Variants in MET observed in about 807,000 individuals in gnomAD.
MET encodes the protein MET proto-oncogene, receptor tyrosine kinase.
MET carries 48 observed loss-of-function variants against 133.1 expected under a neutral mutation model. The ratio of observed to expected loss-of-function variants is 0.36; its 90% CI spans 0.29 to 0.46. MET has a LOEUF of 0.46. Among genes scored for constraint, MET ranks in the 20% least tolerant of loss-of-function variants. MET has a pLI of 1.00. For missense variants in MET, 1,442 were observed against 1,695.9 expected, an observed-to-expected ratio of 0.85 and a Z score of 2.63; for synonymous variants, 628 against 616.5, an observed-to-expected ratio of 1.02 and a Z score of -0.28.
At chr7:116,736,431 CATCTT>C (rs1793213464) in intron 3 of MET, among the ~76,000 whole-genome samples, 1 of 151,710 alleles carries the variant, frequency 6.6e-6, no homozygotes, top group African/African-American at 2.4e-5. Flanking sequence ...TGCATACAAA[CATCTT>C]ATCTTAAATT....
intron 3 of MET, among the ~76,000 whole-genome samples, chr7:116,732,215 G>A (rs1293724373): frequency 6.6e-6 from 1 of 152,126 alleles, no homozygotes; most frequent in Non-Finnish European, 1.5e-5. Context: ...CAGATCAAAG[G>A]AGAGCTATTG....
chr7:116,792,297 T>C (rs545140983), intron 19 of MET, among the ~76,000 whole-genome samples: 3 of 152,268 alleles, frequency 2.0e-5, no homozygotes, highest in African/African-American at 7.2e-5. Flanking sequence ...CAGATGAGCT[T>C]ATTGCTGGTG....
At chr7:116,752,455 T>A (rs945070903) in intron 5 of MET, among the ~76,000 whole-genome samples, 2 of 152,202 alleles carry the variant, frequency 1.3e-5, no homozygotes, top group Admixed American at 6.5e-5. Flanking sequence ...GGACGCTCAT[T>A]TCCTGCCCAC....
At position 116,699,050 on chromosome 7, in the gene MET, G is replaced by A. The variant is rs368863750; in HGVS notation, c.-14-21G>A. 49 of 1,613,300 alleles carry A rather than the reference G, an allele frequency of 3.0e-5. No individual in the cohort carries two copies. Among genetic ancestry groups the A allele is most frequent in the African/African-American group, 1.7e-4 (13 of 74,836 alleles). Reference sequence around the variant, plus strand: ...CATTTCTGACAACTGAACTGCTCTCGCCTTGAACCTGTTTTGGCAGATAAA... The same window carrying A: ...CATTTCTGACAACTGAACTGCTCTCACCTTGAACCTGTTTTGGCAGATAAA... On this transcript the variant is annotated intron_variant, in intron 1 of 20. Transcript: ENST00000397752.
At chr7:116,793,914 A>G (rs1237046425) in intron 19 of MET, among the ~76,000 whole-genome samples, 1 of 151,880 alleles carries the variant, frequency 6.6e-6, no homozygotes, top group Admixed American at 6.6e-5. Flanking sequence ...ATAAAAAAGG[A>G]AAGAAAGAAC....
At chr7:116,767,880 CT>C (rs1562928143) in intron 11 of MET, among the ~76,000 whole-genome samples, 1 of 147,472 alleles carries the variant, frequency 6.8e-6, no homozygotes. Context: ...AAAATTTTTC[CT>C]TTTTTGGGCC....
intron 3 of MET, among the ~76,000 whole-genome samples, chr7:116,735,878 G>C (rs930441899): frequency 1.3e-5 from 2 of 148,334 alleles, no homozygotes; most frequent in Non-Finnish European, 3.0e-5. Flanking sequence ...CAGTATTCAA[G>C]CAATTCTTGT....
At chr7:116,763,651 G>A (rs555010557) in intron 11 of MET, among the ~76,000 whole-genome samples, 18 of 152,244 alleles carry the variant, frequency 1.2e-4, no homozygotes, top group African/African-American at 3.4e-4. Flanking sequence ...TTGTATCTCC[G>A]TTCTTCCTTG....
At position 116,699,363 on chromosome 7, in the gene MET, A is replaced by G. The variant is rs780928472; in HGVS notation, c.279A>G (p.Pro93=). 2 of 1,614,064 alleles carry G rather than the reference A, an allele frequency of 1.2e-6. No homozygotes were observed. Among genetic ancestry groups the G allele is most frequent in the Middle Eastern group, 1.7e-4 (1 of 6,060 alleles). ...AGACTGGGCCTGTGCTGGAACACCCAGATTGTTTCCCATGTCAGGACTGCA... is the reference window on the plus strand; with the variant it reads ...AGACTGGGCCTGTGCTGGAACACCCGGATTGTTTCCCATGTCAGGACTGCA... ...EYKTGPVLEH[P]DCFPCQDCSS... is the part of the protein sequence containing the mutation. Residue 93 remains proline, a synonymous_variant, in exon 2 of 21, where the codon CCA becomes CCG. Transcript: ENST00000397752.
rs763344951 is a variant in MET, at chr7:116,699,124, C to T, written c.40C>T (p.Leu14Phe). 1.1e-4 allele frequency: 181 copies of T among 1,613,760 alleles called. No individual in the cohort carries two copies. Among genetic ancestry groups the T allele is most frequent in the Admixed American group, 3.7e-4 (22 of 59,962 alleles). ...TGTGCTTGCACCTGGCATCCTCGTGCTCCTGTTTACCTTGGTGCAGAGGAG... is the reference window on the plus strand; with the variant it reads ...TGTGCTTGCACCTGGCATCCTCGTGTTCCTGTTTACCTTGGTGCAGAGGAG... ...PAVLAPGILV[L>F]LFTLVQRSNG... The change falls in exon 2 of 21, where the codon CTC becomes TTC. Residue 14 changes from leucine (L) to phenylalanine (F), a missense_variant. By Grantham distance (22) the Leu-to-Phe change is conservative. Around this residue, in one of 6 missense-constraint regions of MET, gnomAD observed 762 missense variants for 792.4 expected, o/e 0.96. Coordinates refer to ENST00000397752, the MANE Select transcript of MET (RefSeq NM_000245.4).
At chr7:116,696,198 G>T (rs1170222568) in intron 1 of MET, among the ~76,000 whole-genome samples, 2 of 152,064 alleles carry the variant, frequency 1.3e-5, no homozygotes, top group African/African-American at 4.8e-5. Context: ...CCTCCTTTGA[G>T]ACTCGGCTCT....
rs71314626 is a variant in MET, at chr7:116,725,465, CATAT to C, written c.1201-6185_1201-6182del. 1.9e-3 allele frequency among the ~76,000 whole-genome samples: 282 copies of C among 144,912 alleles called. 2 individuals are homozygous for C. The highest frequency in any genetic ancestry group is 6.7e-3 in the African/African-American group (266 of 39,576). ...TAAAATTTATTTTTCTTATGATATA[CATAT>C]ATATATATATATATATACACACACA... On this transcript the variant is annotated intron_variant, in intron 2 of 20. Transcript: ENST00000397752.
In MET at chr7:116,796,574, G is replaced by C; in HGVS notation, c.*450G>C. 1 of 309,430 alleles carries C rather than the reference G, an allele frequency of 3.2e-6. No homozygotes were observed. Among genetic ancestry groups the C allele is most frequent in the Non-Finnish European group, 6.1e-6 (1 of 164,356 alleles). The allele number at this position is 309,430 out of a possible 1,614,324, so 19.2% of individuals were successfully genotyped here. A position where few individuals can be genotyped will look rare whatever the true frequency, so the allele number is the denominator to read the frequency against. On this transcript the variant is annotated 3_prime_UTR_variant, in exon 21 of 21. Coordinates refer to ENST00000397752, the MANE Select transcript of MET (RefSeq NM_000245.4). ...TTCAAAACACTTTTGTGTGTTGTAT[G>C]GTCAATAACATTTTTCATTACTGAT...
At chr7:116,782,542 A>G (rs955878524) in intron 18 of MET, among the ~76,000 whole-genome samples, 5 of 152,242 alleles carry the variant, frequency 3.3e-5, no homozygotes, top group African/African-American at 1.2e-4. Flanking sequence ...CAATGAATAT[A>G]CAAAGAACTT....
chr7:116,682,511 G>A (rs1294783432), intron 1 of MET, among the ~76,000 whole-genome samples: 1 of 152,048 alleles, frequency 6.6e-6, no homozygotes. Context: ...ATTAAATGCT[G>A]GCATTTTCTG....
chr7:116,697,632 A>G (rs572384348), intron 1 of MET, among the ~76,000 whole-genome samples: 2 of 152,120 alleles, frequency 1.3e-5, no homozygotes, highest in African/African-American at 4.8e-5. Context: ...TTTATTCAGT[A>G]TCTATTTGTT....
chr7:116,728,151 G>C (rs577583673), intron 2 of MET, among the ~76,000 whole-genome samples: 8 of 152,146 alleles, frequency 5.3e-5, no homozygotes, highest in Admixed American at 2.6e-4. Flanking sequence ...AAATGAAAAA[G>C]AAAAAGGTTA....
intron 2 of MET, among the ~76,000 whole-genome samples, chr7:116,731,148 G>A (rs905567236): frequency 2.0e-5 from 3 of 152,074 alleles, no homozygotes; most frequent in Non-Finnish European, 2.9e-5. Flanking sequence ...AAGCATTAGG[G>A]GCCAGGATTT....
chr7:116,764,865 G>T (rs1794561788), intron 11 of MET, among the ~76,000 whole-genome samples: 1 of 152,104 alleles, frequency 6.6e-6, no homozygotes, highest in African/African-American at 2.4e-5. Context: ...GCAATTCAGG[G>T]AGATTATTTT....
Sources: gnomAD v4.1 joint callset for allele counts (sites outside exome capture counted in the v4.1 genomes callset) on GRCh38, gnomAD v4.1.1 for gene constraint, gnomAD v4.1.1 regional missense constraint, MANE v1.5 for transcripts, NCBI Gene and HGNC (gene_info 2026-07-23, HGNC 2026-07-21) for gene names.